ZNF330: variants seen among roughly 807,000 people sequenced by gnomAD.
The protein encoded by ZNF330 is nucleolar atypical zinc finger.
ZNF330 carries 31 observed loss-of-function variants against 45.5 expected under a neutral mutation model. The observed-to-expected ratio is 0.68, with a 90% CI of 0.51 to 0.92. The LOEUF (loss-of-function observed/expected upper bound fraction) is 0.92, where lower values mean the gene tolerates loss of function less well. ZNF330 is among the 40% of genes least tolerant of loss of function. ZNF330 has a pLI of 0.00. For synonymous variants in ZNF330, 138 were observed against 123.2 expected, an observed-to-expected ratio of 1.12 and a Z score of -0.79; for missense variants, 356 against 387.4, an observed-to-expected ratio of 0.92 and a Z score of 0.68.
chr4:141,224,358 G>C (rs1728751051), intron 2 of ZNF330, 129 bp from the exon 3 acceptor site: 1 of 781,600 alleles, frequency 1.3e-6, no homozygotes, highest in African/African-American at 1.7e-5. Flanking sequence ...GTATACATGG[G>C]TGGAGTTGGG....
Position 141,233,944 on chromosome 4 carries a change from G to A in ZNF330, c.918G>A (p.Arg306=). The change falls in exon 10 of 10, where the codon AGG becomes AGA. Residue 306 remains arginine (R), a synonymous_variant. Transcript: ENST00000262990. The part of the protein sequence containing the change: ...SDLFTNLNLG[R]TYASGYAHYE... ...TGTTTACTAATTTGAATTTAGGAAG[G>A]ACCTATGCTAGTGGCTATGCTCACT... The A allele has an allele frequency of 6.2e-7, 1 of 1,613,708 alleles. No individual in the cohort carries two copies. The highest frequency in any genetic ancestry group is 8.5e-7 in the Non-Finnish European group (1 of 1,179,724).
upstream of ZNF330, among the ~76,000 whole-genome samples, chr4:141,220,641 T>C (rs956993862): frequency 6.6e-5 from 10 of 152,220 alleles, no homozygotes; most frequent in African/African-American, 1.9e-4. Flanking sequence ...TTTGAGTCAA[T>C]TGATCCAGTA....
rs1728955946 is a variant in ZNF330 at position 141,231,482 on chromosome 4, T to C, written c.567T>C (p.Cys189=). ...NRLGQHSCLR[C]KACFCDDHTR... ...TTGGTCAGCACTCATGTCTCCGTTG[T>C]AAGGTATACCAATGCGTTTTTTTCT... Residue 189 remains cysteine, a synonymous_variant, in exon 8 of 10, where the codon TGT becomes TGC. Transcript: ENST00000262990. 6.3e-7 allele frequency: 1 copy of C among 1,598,056 alleles called. No homozygotes were observed.
intron 7 of ZNF330, 151 bp from the exon 8 acceptor site, chr4:141,231,288 G>A (rs1411912799): frequency 4.0e-6 from 2 of 495,852 alleles, no homozygotes; most frequent in African/African-American, 2.0e-5. Context: ...CAGCATGGGA[G>A]CTTTGTGTGT....
intron 5 of ZNF330, among the ~76,000 whole-genome samples, chr4:141,227,932 T>C (rs1251443708): frequency 6.6e-6 from 1 of 152,146 alleles, no homozygotes; most frequent in African/African-American, 2.4e-5. Flanking sequence ...TCCTGAAACA[T>C]GTTTTCCTTC....
In ZNF330 at chr4:141,234,179, A is replaced by G. The variant is rs1440823998; in HGVS notation, c.*190A>G. Reference sequence around the variant, plus strand: ...TAATCAGGCTTATGGCATAAGAAAAATGAGTTTCAAATTTAAGATGTTTAT... The same window carrying G: ...TAATCAGGCTTATGGCATAAGAAAAGTGAGTTTCAAATTTAAGATGTTTAT... On this transcript the variant is annotated 3_prime_UTR_variant, in exon 10 of 10. Coordinates refer to ENST00000262990, the MANE Select transcript of ZNF330 (RefSeq NM_014487.6). 3 of 1,093,834 alleles carry G rather than the reference A, an allele frequency of 2.7e-6. No individual in the cohort carries two copies. Among genetic ancestry groups the G allele is most frequent in the Non-Finnish European group, 3.6e-6 (3 of 834,656 alleles). The allele number at this position is 1,093,834 out of a possible 1,614,324, so 67.8% of individuals were successfully genotyped here.
chr4:141,226,404 G>A (rs547273487), intron 4 of ZNF330, among the ~76,000 whole-genome samples: 2 of 152,084 alleles, frequency 1.3e-5, no homozygotes, highest in Non-Finnish European at 2.9e-5. Flanking sequence ...GTTATAAAAA[G>A]CATTCCTTTA....
intron 5 of ZNF330, 66 bp from the exon 6 acceptor site, chr4:141,229,505 G>A (rs191077339): frequency 6.9e-5 from 110 of 1,597,102 alleles, no homozygotes; most frequent in African/African-American, 4.6e-4. Context: ...GATGGTTGCC[G>A]TGGTTAAAGA....
Position 141,233,935 on chromosome 4 carries a change from T to C in ZNF330, c.909T>C (p.Asn303=). 1 of 1,613,792 alleles carries C rather than the reference T, an allele frequency of 6.2e-7. No individual in the cohort carries two copies. The highest frequency in any genetic ancestry group is 1.1e-5 in the South Asian group (1 of 91,056). ...TESSDLFTNL[N]LGRTYASGYA... ...CATCAGATTTGTTTACTAATTTGAA[T>C]TTAGGAAGGACCTATGCTAGTGGCT... Residue 303 remains asparagine, a synonymous_variant, in exon 10 of 10, where the codon AAT becomes AAC. Coordinates refer to ENST00000262990, the MANE Select transcript of ZNF330 (RefSeq NM_014487.6).
chr4:141,227,434 C>T (rs1728837323), intron 5 of ZNF330, among the ~76,000 whole-genome samples: 1 of 152,016 alleles, frequency 6.6e-6, no homozygotes, highest in Non-Finnish European at 1.5e-5. Context: ...TGATGGATTC[C>T]AGCTTCATCC....
At chr4:141,227,476 T>C (rs557721961) in intron 5 of ZNF330, among the ~76,000 whole-genome samples, 2 of 152,270 alleles carry the variant, frequency 1.3e-5, no homozygotes, top group Non-Finnish European at 2.9e-5. Context: ...ACTCATCATT[T>C]TTTATGGCTG....
At chr4:141,221,922 A>C (rs1728689411) in intron 1 of ZNF330, among the ~76,000 whole-genome samples, 1 of 152,190 alleles carries the variant, frequency 6.6e-6, no homozygotes, top group Non-Finnish European at 1.5e-5. Context: ...TGTTATACTT[A>C]AGGTGTTGGC....
Position 141,224,471 on chromosome 4 carries a change from T to G in ZNF330, c.121-16T>G, listed in dbSNP as rs1418002940. On this transcript the variant is annotated splice_polypyrimidine_tract_variant and intron_variant, in intron 2 of 9. Coordinates refer to ENST00000262990, the MANE Select transcript of ZNF330 (RefSeq NM_014487.6). ...AGTCAGCAGAAAAATTAATGTGATA[T>G]TTTTATATGTTACAGGAATGTGACA... is the stretch of plus-strand genomic sequence containing the variant. The G allele has an allele frequency of 8.1e-6, 13 of 1,601,302 alleles. No individual in the cohort carries two copies. Among genetic ancestry groups the G allele is most frequent in the Non-Finnish European group, 1.1e-5 (13 of 1,172,890 alleles).
chr4:141,230,344 G>T, intron 7 of ZNF330, 74 bp downstream of exon 7: 2 of 884,348 alleles, frequency 2.3e-6, no homozygotes, highest in Non-Finnish European at 1.7e-6. Flanking sequence ...TAATGAAAAA[G>T]GAATCAAGTT....
At chr4:141,227,662 C>T (rs1728844605) in intron 5 of ZNF330, among the ~76,000 whole-genome samples, 1 of 151,970 alleles carries the variant, frequency 6.6e-6, no homozygotes, top group African/African-American at 2.4e-5. Flanking sequence ...TCAGTGGTAC[C>T]TTTCTAATAT....
chr4:141,233,028 G>C (rs1728996510), intron 9 of ZNF330, among the ~76,000 whole-genome samples: 1 of 151,982 alleles, frequency 6.6e-6, no homozygotes, highest in Non-Finnish European at 1.5e-5. Context: ...GCTATCTTAG[G>C]TGTGTGATAT....
In ZNF330 at chr4:141,226,855, C is replaced by A. The variant is rs765439628; in HGVS notation, c.291+9C>A. ...CTGGCCTTGCAATGGTGGTAAGCTT[C>A]TTATTATCTCTTAGACTAGTACGTT... On this transcript the variant is annotated intron_variant, in intron 5 of 9. Coordinates refer to ENST00000262990, the MANE Select transcript of ZNF330 (RefSeq NM_014487.6). 3 of 1,602,458 alleles carry A rather than the reference C, an allele frequency of 1.9e-6. No individual in the cohort carries two copies. Among genetic ancestry groups the A allele is most frequent in the Admixed American group, 1.7e-5 (1 of 59,408 alleles).
chr4:141,226,837 T>C lies in ZNF330; in HGVS notation c.282T>C (p.Leu94=), dbSNP rs1218603634. The change falls in exon 5 of 10, where the codon CTT becomes CTC. Residue 94 remains leucine (L), a synonymous_variant. Coordinates refer to ENST00000262990, the MANE Select transcript of ZNF330 (RefSeq NM_014487.6). The part of the protein sequence containing the change: ...IKHAGVYSTG[L]AMVGAICDFC... ...ATGCTGGTGTATACAGTACTGGCCT[T>C]GCAATGGTGGTAAGCTTCTTATTAT... The C allele has an allele frequency of 7.4e-6, 12 of 1,611,458 alleles. No homozygotes were observed. In the Admixed American group the frequency reaches 1.7e-4, roughly 22 times the overall value.
At chr4:141,227,729 A>G (rs562482541) in intron 5 of ZNF330, among the ~76,000 whole-genome samples, 9 of 152,244 alleles carry the variant, frequency 5.9e-5, no homozygotes, top group Admixed American at 1.3e-4. Context: ...TGCTTAACCA[A>G]CGTTTAAGCC....
Sources: allele counts gnomAD v4.1 joint callset (sites outside exome capture counted in the v4.1 genomes callset), GRCh38; gene constraint gnomAD v4.1.1; transcripts MANE v1.5; gene names NCBI Gene and HGNC (gene_info 2026-07-23, HGNC 2026-07-21).